The following TECPR1 variants were observed in gnomAD, a reference collection of about 807,000 sequenced individuals.
TECPR1 encodes the protein tectonin beta-propeller repeat-containing protein 1.
A neutral mutation model predicts 162.4 loss-of-function variants in TECPR1; 122 were observed. The observed-to-expected ratio is 0.75, with a 90% CI of 0.65 to 0.87. The LOEUF is 0.87. Ranked by LOEUF, TECPR1 falls within the 40% of genes least tolerant of loss-of-function variation. The probability of loss-of-function intolerance (pLI) is 0.00; values close to 1 mark genes in which losing one functional copy is unlikely to be tolerated. For missense variants in TECPR1, 1,432 were observed against 1,618.2 expected, an observed-to-expected ratio of 0.88 and a Z score of 1.97; for synonymous variants, 642 against 670.6, an observed-to-expected ratio of 0.96 and a Z score of 0.66.
chr7:98,220,947 T>C (rs928594679), intron 23 of TECPR1, among the ~76,000 whole-genome samples: 3 of 146,990 alleles, frequency 2.0e-5, no homozygotes, highest in Non-Finnish European at 4.5e-5. Context: ...CACCTCAGCC[T>C]CCCAAAGTGC....
chr7:98,231,424 T>C (rs1004003919), intron 13 of TECPR1, 51 bp from the exon 14 acceptor site: 17 of 1,540,514 alleles, frequency 1.1e-5, no homozygotes, highest in African/African-American at 1.4e-5. Flanking sequence ...GCAGGAGGCC[T>C]CTGGAGGGTG....
chr7:98,216,431 A>G lies in TECPR1; in HGVS notation c.*959T>C, dbSNP rs6969415. The stretch of plus-strand genomic sequence containing the variant: ...GATGATGGTGACTGCACACACGGAC[A>G]CTGCCTCCAGCCATGGGGCAGCCTC... On this transcript the variant is annotated 3_prime_UTR_variant, in exon 26 of 26. Coordinates refer to ENST00000447648, the MANE Select transcript of TECPR1 (RefSeq NM_015395.3). The G allele has an allele frequency of 1, 152,419 of 152,454 alleles. 76,192 individuals carry two copies. Among genetic ancestry groups the G allele is most frequent in the Middle Eastern group, 1 (294 of 294 alleles). 9.4% of individuals were successfully genotyped at this position (152,454 alleles called of 1,614,324 possible). A position where few individuals can be genotyped will look rare whatever the true frequency, so the allele number is the denominator to read the frequency against.
chr7:98,238,616 G>T lies in TECPR1; in HGVS notation c.934-6C>A. The T allele has an allele frequency of 1.3e-6, 2 of 1,559,580 alleles. No homozygotes were observed. The highest frequency in any genetic ancestry group is 1.4e-5 in the African/African-American group (1 of 73,548). ...ACGCCTCTTCGGAACCACACCTGGG[G>T]GAGTCAGAAATAAACATGCCTTCCT... is the stretch of plus-strand genomic sequence containing the variant. On this transcript the variant is annotated splice_polypyrimidine_tract_variant and splice_region_variant and intron_variant, in intron 8 of 25. Coordinates refer to ENST00000447648, the MANE Select transcript of TECPR1 (RefSeq NM_015395.3).
intron 22 of TECPR1, among the ~76,000 whole-genome samples, chr7:98,221,966 C>T (rs372330104): frequency 7.9e-5 from 12 of 152,304 alleles, no homozygotes; most frequent in East Asian, 1.9e-4. Context: ...ATCTTGCCAG[C>T]GCAACACAAA....
intron 5 of TECPR1, 67 bp from the exon 6 acceptor site, chr7:98,243,659 C>T: frequency 6.5e-7 from 1 of 1,542,240 alleles, no homozygotes. Flanking sequence ...GCACCCACCT[C>T]CCGCCCGCCT....
At chr7:98,244,860 C>A in intron 4 of TECPR1, 25 bp downstream of exon 4, 1 of 1,612,204 alleles carries the variant, frequency 6.2e-7, no homozygotes, top group South Asian at 1.1e-5. Context: ...ACAGGGCAGT[C>A]ATGGAGGGTC....
At position 98,245,233 on chromosome 7, in the gene TECPR1, A is replaced by T. The variant is rs1798875278; in HGVS notation, c.226-166T>A. 1.1e-5 allele frequency: 8 copies of T among 701,206 alleles called. No homozygotes were observed. In the East Asian group the frequency reaches 2.2e-4, roughly 19 times the overall value. The allele number at this position is 701,206 out of a possible 1,614,324, so 43.4% of individuals were successfully genotyped here. On this transcript the variant is annotated intron_variant, in intron 3 of 25. Transcript: ENST00000447648. ...CCTGTGTGGGACCCAGCAACTGGGG[A>T]CCCCCATGCCACTTCATCATGAGCC...
At position 98,232,214 on chromosome 7, in the gene TECPR1, G is replaced by A. The variant is rs761591082; in HGVS notation, c.1819-255C>T. On this transcript the variant is annotated intron_variant, in intron 12 of 25. Transcript: ENST00000447648. The surrounding 1 kb of genome is among the most constrained non-coding windows in gnomAD (Gnocchi z 4.6). Reference sequence around the variant, plus strand: ...CAGCCAGAGTGGGCACTGCCATCCCGCCTTCTGCATGGGGAGACAGGCTCG... The same window carrying A: ...CAGCCAGAGTGGGCACTGCCATCCCACCTTCTGCATGGGGAGACAGGCTCG... Among the ~76,000 whole-genome samples, 12 of 152,214 alleles carry A rather than the reference G, an allele frequency of 7.9e-5. No individual in the cohort carries two copies. Among genetic ancestry groups the A allele is most frequent in the Non-Finnish European group, 1.6e-4 (11 of 68,004 alleles).
Position 98,217,713 on chromosome 7 carries a change from G to A in TECPR1, c.3363C>T (p.His1121=), listed in dbSNP as rs372020510. The A allele has an allele frequency of 1.4e-4, 219 of 1,547,870 alleles. No homozygotes were observed. The highest frequency in any genetic ancestry group is 1.8e-4 in the Non-Finnish European group (205 of 1,145,596). The part of the protein sequence containing the change: ...TGVQPHEPKG[H]GWDYGIGGGW... ...TCACCCCGATGCCGTAGTCCCAGCC[G>A]TGGCCCTTGGGCTCGTGAGGCTGCA... The change falls in exon 25 of 26, where the codon CAC becomes CAT. Residue 1121 remains histidine, a synonymous_variant. Transcript: ENST00000447648.
At chr7:98,220,684 G>C (rs969917886) in intron 23 of TECPR1, among the ~76,000 whole-genome samples, 7 of 151,850 alleles carry the variant, frequency 4.6e-5, no homozygotes, top group African/African-American at 1.7e-4. Flanking sequence ...TCAGCCTCCC[G>C]ATTAGCTTGG....
At chr7:98,245,621 A>G (rs933733438) in intron 3 of TECPR1, among the ~76,000 whole-genome samples, 8 of 152,040 alleles carry the variant, frequency 5.3e-5, no homozygotes, top group African/African-American at 1.9e-4. Flanking sequence ...AAAGGTGCAC[A>G]CCACCACACC....
At chr7:98,222,629 G>A (rs1299083986) in intron 21 of TECPR1, 108 bp from the exon 22 acceptor site, 2 of 1,373,536 alleles carry the variant, frequency 1.5e-6, no homozygotes, top group African/African-American at 1.5e-5. Context: ...ATAGGTGGCT[G>A]GGGGACAGCC....
In TECPR1 at chr7:98,231,334, G is replaced by A; in HGVS notation, c.2014C>T (p.Pro672Ser). Residue 672 changes from proline to serine, a missense_variant, in exon 14 of 26, where the codon CCA becomes TCA. Pro to Ser is a moderately conservative substitution (Grantham distance 74). Transcript: ENST00000447648. ...GAGTGCTTGGTCTCGTTCAGCACTG[G>A]GACCAGCGCCACCACCTCATTCAGG... is the stretch of plus-strand genomic sequence containing the variant. The part of the protein sequence containing the change: ...IFLNEVVALV[P>S]VLNETKHSFA... 6.2e-7 allele frequency: 1 copy of A among 1,610,290 alleles called. No homozygotes were observed. The highest frequency in any genetic ancestry group is 8.5e-7 in the Non-Finnish European group (1 of 1,178,398).
At position 98,244,959 on chromosome 7, in the gene TECPR1, G is replaced by A. The variant is rs1798865336; in HGVS notation, c.334C>T (p.Pro112Ser). The change falls in exon 4 of 26, where the codon CCC (proline) becomes TCC (serine). Residue 112 changes from proline (P) to serine (S), a missense_variant. Physicochemically the swap from Pro to Ser is moderately conservative, Grantham distance 74. Transcript: ENST00000447648. ...QHRPLDRVAL[P>S]SPHWEWESDW... The stretch of plus-strand genomic sequence containing the variant: ...GACTCCCACTCCCAGTGCGGCGAGG[G>A]CAGTGCCACCCTGTCCAGCGGCCGG... The A allele has an allele frequency of 6.2e-7, 1 of 1,612,918 alleles. No homozygotes were observed. The highest frequency in any genetic ancestry group is 8.5e-7 in the Non-Finnish European group (1 of 1,179,850).
At chr7:98,238,248 C>T (rs1357537285) in intron 9 of TECPR1, among the ~76,000 whole-genome samples, 3 of 152,220 alleles carry the variant, frequency 2.0e-5, no homozygotes, top group Non-Finnish European at 2.9e-5. Flanking sequence ...TTGGCCCTGG[C>T]AGGCTCGCCT....
chr7:98,222,694 G>A lies in TECPR1; in HGVS notation c.2929-173C>T, dbSNP rs76067965. On this transcript the variant is annotated intron_variant, in intron 21 of 25. Coordinates refer to ENST00000447648, the MANE Select transcript of TECPR1 (RefSeq NM_015395.3). ...CTCGGTGCTTGTTGAAATCCTGGGC[G>A]CATCTCATCCTCCTGCGAGCAGGGA... The A allele has an allele frequency of 4.9e-3, 4,418 of 896,314 alleles. 88 individuals are homozygous for A. Among genetic ancestry groups the A allele is most frequent in the African/African-American group, 0.049 (2,906 of 59,490 alleles). The allele number at this position is 896,314 out of a possible 1,614,324, so 55.5% of individuals were successfully genotyped here.
chr7:98,229,980 C>T (rs1039491889), intron 15 of TECPR1, among the ~76,000 whole-genome samples: 11 of 151,384 alleles, frequency 7.3e-5, no homozygotes, highest in African/African-American at 1.9e-4. Flanking sequence ...GAACCTCATT[C>T]CCCCTTTGTG....
rs919621202 is a variant in TECPR1 at position 98,232,248 on chromosome 7, C to T, written c.1819-289G>A. Among the ~76,000 whole-genome samples the T allele has an allele frequency of 3.3e-5, 5 of 152,230 alleles. No homozygotes were observed. Among genetic ancestry groups the T allele is most frequent in the African/African-American group, 7.2e-5 (3 of 41,542 alleles). On this transcript the variant is annotated intron_variant, in intron 12 of 25. Transcript: ENST00000447648. The surrounding 1 kb of genome is among the most constrained non-coding windows in gnomAD (Gnocchi z 4.6). The stretch of plus-strand genomic sequence containing the variant: ...ATGGGGAGACAGGCTCGGGAGGGTT[C>T]CGTGCCTGGCTTTGGTGTCACAGAG...
In TECPR1 at chr7:98,231,136, C is replaced by T. The variant is rs538695567; in HGVS notation, c.2125-18G>A. 4.6e-5 allele frequency: 74 copies of T among 1,602,346 alleles called. No homozygotes were observed. The highest frequency in any genetic ancestry group is 1.2e-4 in the Admixed American group (7 of 58,602). ...AGGGCGAGCTGGTGTGGCACAATGC[C>T]GGTCACTGCTGAGCAGGCCAGGCCA... On this transcript the variant is annotated intron_variant, in intron 14 of 25. Transcript: ENST00000447648.
Sources: gnomAD v4.1 joint callset for allele counts (sites outside exome capture counted in the v4.1 genomes callset) on GRCh38, gnomAD v4.1.1 for gene constraint, Gnocchi (gnomAD v3.1) non-coding constraint, MANE v1.5 for transcripts, NCBI Gene and HGNC (gene_info 2026-07-23, HGNC 2026-07-21) for gene names.